DHRSX: variants seen among roughly 807,000 people sequenced by gnomAD.
DHRSX encodes dehydrogenase/reductase X-linked.
A neutral mutation model predicts 34.0 loss-of-function variants in DHRSX; 31 were observed. The ratio of observed to expected loss-of-function variants is 0.91; its 90% CI spans 0.69 to 1.23. The LOEUF is 1.23. DHRSX is among the 50% of genes most tolerant of loss of function. The pLI is 0.00. For synonymous variants in DHRSX, 201 were observed against 183.8 expected (o/e 1.09, Z -0.76); for missense variants, 414 against 428.1 (o/e 0.97, Z 0.29).
Position 2,399,725 on chromosome X carries a change from C to CAAAA in DHRSX, c.286+9016_286+9019dup, listed in dbSNP as rs779558142. Among the ~76,000 whole-genome samples, 11 of 35,240 alleles carry CAAAA rather than the reference C, an allele frequency of 3.1e-4. 1 individual carries two copies. Among genetic ancestry groups the CAAAA allele is most frequent in the African/African-American group, 3.2e-4 (2 of 6,340 alleles). 23.1% of individuals were successfully genotyped at this position (35,240 alleles called of 152,430 possible). On this transcript the variant is annotated intron_variant, in intron 3 of 6. Transcript: ENST00000334651. ...CGTCTCAAAACAAACAAACAAAAAG[C>CAAAA]AAAAAAAAAAAAAAAAACAAAAAAA...
chrX:2,367,247 G>C (rs752965568), intron 3 of DHRSX, among the ~76,000 whole-genome samples: 1 of 151,980 alleles, frequency 6.6e-6, no homozygotes, highest in Non-Finnish European at 1.5e-5. Flanking sequence ...AGACCAGCCT[G>C]ACCAACATGG....
At chrX:2,242,796 C>A (rs947148943) in intron 6 of DHRSX, among the ~76,000 whole-genome samples, 1 of 151,956 alleles carries the variant, frequency 6.6e-6, no homozygotes, top group Non-Finnish European at 1.5e-5. Context: ...AAGAAATCAC[C>A]GTAAAAATGG....
At chrX:2,325,816 G>A (rs2042379137) in intron 3 of DHRSX, among the ~76,000 whole-genome samples, 1 of 151,274 alleles carries the variant, frequency 6.6e-6, no homozygotes, top group Non-Finnish European at 1.5e-5. Context: ...CTTTCCGCTC[G>A]GAGACCCCTT....
chrX:2,346,388 C>T (rs2042712188), intron 3 of DHRSX, among the ~76,000 whole-genome samples: 1 of 152,112 alleles, frequency 6.6e-6, no homozygotes, highest in Admixed American at 6.6e-5. Context: ...TCTGTTTTCA[C>T]AGTCCAGGCT....
chrX:2,264,498 C>G (rs956390865), intron 5 of DHRSX, among the ~76,000 whole-genome samples: 1 of 150,152 alleles, frequency 6.7e-6, no homozygotes, highest in African/African-American at 2.5e-5. Flanking sequence ...GCACCTGTGT[C>G]CAGCAGACTC....
chrX:2,274,116 C>A (rs2041593445), intron 4 of DHRSX, among the ~76,000 whole-genome samples: 1 of 151,772 alleles, frequency 6.6e-6, no homozygotes, highest in Non-Finnish European at 1.5e-5. Flanking sequence ...CGGCTCACTG[C>A]AACCTCTGCC....
At chrX:2,395,725 C>G (rs2043401141) in intron 3 of DHRSX, among the ~76,000 whole-genome samples, 1 of 152,078 alleles carries the variant, frequency 6.6e-6, no homozygotes, top group Non-Finnish European at 1.5e-5. Context: ...GGTCACCTTA[C>G]CGGAAGCCAT....
intron 1 of DHRSX, among the ~76,000 whole-genome samples, chrX:2,477,402 T>A (rs1277589602): frequency 6.6e-6 from 1 of 152,126 alleles, no homozygotes; most frequent in African/African-American, 2.4e-5. Flanking sequence ...ACAGGACTGT[T>A]ACAGGGACAA....
intron 3 of DHRSX, among the ~76,000 whole-genome samples, chrX:2,316,349 C>T (rs1234459046): frequency 1.3e-5 from 2 of 152,192 alleles, no homozygotes; most frequent in South Asian, 2.1e-4. Context: ...CTCAGGAGTT[C>T]GAGACCAGCC....
At chrX:2,448,031 A>T (rs928513051) in intron 1 of DHRSX, among the ~76,000 whole-genome samples, 33 of 150,484 alleles carry the variant, frequency 2.2e-4, no homozygotes, top group Non-Finnish European at 4.6e-4. Flanking sequence ...CCCATCTCTA[A>T]AAAAAAAACA....
chrX:2,392,414 G>T, intron 3 of DHRSX: 1 of 291,392 alleles, frequency 3.4e-6, no homozygotes, highest in South Asian at 3.1e-5. Flanking sequence ...GGCTGAGGTG[G>T]GAGGATCGCT....
intron 3 of DHRSX, among the ~76,000 whole-genome samples, chrX:2,316,646 A>G (rs1305850072): frequency 6.6e-6 from 1 of 152,142 alleles, no homozygotes; most frequent in African/African-American, 2.4e-5. Context: ...CATTCATCTC[A>G]CCCTCTTTGA....
rs2042294464 is a variant in DHRSX, at chrX:2,320,356, G to A, written c.287-28753C>T. On this transcript the variant is annotated intron_variant, in intron 3 of 6. Transcript: ENST00000334651. ...GTCACCCAGGCTGGACTGCAGTGGG[G>A]TGATCTCAGCTCACTGCAACCTCCA... 2.7e-5 allele frequency among the ~76,000 whole-genome samples: 4 copies of A among 146,470 alleles called. No homozygotes were observed. In the South Asian group the frequency reaches 9.0e-4, roughly 33 times the overall value.
intron 3 of DHRSX, among the ~76,000 whole-genome samples, chrX:2,304,183 GGATGGATGGATGGATGGAT>G (rs2042066476): frequency 8.6e-6 from 1 of 116,006 alleles, no homozygotes; most frequent in African/African-American, 3.6e-5. Context: ...ATGGATGGAT[GGATGGATGGATGGATGGAT>G]AAATGGATGG....
At chrX:2,486,445 T>C (rs1484506005) in intron 1 of DHRSX, 2 of 152,222 alleles carry the variant, frequency 1.3e-5, no homozygotes, top group African/African-American at 2.4e-5. Flanking sequence ...TGCATTGCTC[T>C]GGTTTATTGA....
At chrX:2,500,085 T>C (rs2124150084) in intron 1 of DHRSX, among the ~76,000 whole-genome samples, 1 of 152,164 alleles carries the variant, frequency 6.6e-6, no homozygotes, top group East Asian at 1.9e-4. Context: ...GTTATCTGCA[T>C]ACACAAAACA....
intron 6 of DHRSX, among the ~76,000 whole-genome samples, chrX:2,230,503 T>C (rs758864623): frequency 9.2e-5 from 14 of 152,230 alleles, no homozygotes; most frequent in African/African-American, 2.4e-4. Flanking sequence ...TCTGTGATGA[T>C]TGAGTTCACG....
chrX:2,458,003 C>T (rs1194736914), intron 1 of DHRSX, among the ~76,000 whole-genome samples: 3 of 151,886 alleles, frequency 2.0e-5, no homozygotes, highest in Admixed American at 2.0e-4. Flanking sequence ...ACACTGAAGA[C>T]GTTCCCTAAG....
intron 5 of DHRSX, among the ~76,000 whole-genome samples, chrX:2,256,737 C>T (rs993762923): frequency 6.6e-6 from 1 of 151,940 alleles, no homozygotes. Context: ...GCAATTAACA[C>T]TAATTACTGG....
Sources: gnomAD v4.1 joint callset for allele counts (sites outside exome capture counted in the v4.1 genomes callset) on GRCh38, gnomAD v4.1.1 for gene constraint, MANE v1.5 for transcripts, NCBI Gene and HGNC (gene_info 2026-07-23, HGNC 2026-07-21) for gene names.